Variants in TRPV1 observed in about 807,000 individuals in gnomAD.
TRPV1 encodes transient receptor potential cation channel subfamily V member 1.
Under a neutral mutation model 82.3 loss-of-function variants are expected in TRPV1, and 82 were observed. The ratio of observed to expected loss-of-function variants is 1.00; its 90% CI spans 0.83 to 1.20. The LOEUF is 1.20. Ranked by LOEUF, TRPV1 falls within the 50% of genes most tolerant of loss-of-function variation. The pLI, the probability that TRPV1 is intolerant of heterozygous loss-of-function variation, is 0.00. For missense variants in TRPV1, 1,067 were observed against 1,096.8 expected (o/e 0.97, Z 0.38); for synonymous variants, 515 against 467.7 (o/e 1.10, Z -1.30).
chr17:3,606,202 T>C (rs1368052599), intron 2 of TRPV1, among the ~76,000 whole-genome samples: 3 of 152,178 alleles, frequency 2.0e-5, no homozygotes, highest in South Asian at 4.1e-4. Context: ...CCTCAAGTGA[T>C]CCGCCCTCCT....
At chr17:3,585,570 G>T in intron 9 of TRPV1, 198 bp downstream of exon 9, 1 of 623,874 alleles carries the variant, frequency 1.6e-6, no homozygotes. Context: ...AAGGGGGCGG[G>T]TCTCCTGTAC....
chr17:3,580,452 C>A lies in TRPV1; in HGVS notation c.1547+5G>T. 6.2e-7 allele frequency: 1 copy of A among 1,614,054 alleles called. No individual in the cohort carries two copies. Among genetic ancestry groups the A allele is most frequent in the Non-Finnish European group, 8.5e-7 (1 of 1,179,904 alleles). The stretch of plus-strand genomic sequence containing the variant: ...GGACTGGGAATGAGTCAAAGTGTCA[C>A]TTACAAAAGCATCTCACTGTAGCTG... On this transcript the variant is annotated splice_donor_5th_base_variant and intron_variant, in intron 11 of 16. Coordinates refer to ENST00000572705, the MANE Select transcript of TRPV1 (RefSeq NM_080704.4).
At chr17:3,575,188 A>T (rs2074912764) in intron 13 of TRPV1, among the ~76,000 whole-genome samples, 1 of 152,162 alleles carries the variant, frequency 6.6e-6, no homozygotes, top group Admixed American at 6.5e-5. Flanking sequence ...TGATGGAGTT[A>T]GAAGATCATC....
chr17:3,573,532 G>GCCACCCCCCCC lies in TRPV1; in HGVS notation c.2103+100_2103+101insGGGGGGGGTGG. On this transcript the variant is annotated intron_variant, in intron 14 of 16. Transcript: ENST00000572705. ...GCCCATACCCTCCTGGCCACACACCGCCCCCACCACCCACCCACCTGCAGC... is the reference window on the plus strand; with the variant it reads ...GCCCATACCCTCCTGGCCACACACCGCCACCCCCCCCCCCCCACCACCCACCCACCTGCAGC... 3 of 257,076 alleles carry GCCACCCCCCCC rather than the reference G, an allele frequency of 1.2e-5. 1 individual carries two copies. The highest frequency in any genetic ancestry group is 3.0e-5 in the South Asian group (1 of 33,506). The allele number at this position is 257,076 out of a possible 1,614,324, so 15.9% of individuals were successfully genotyped here.
rs370146155 is a variant in TRPV1, at chr17:3,571,225, G to A, written c.2347+299C>T. On this transcript the variant is annotated intron_variant, in intron 16 of 16. Transcript: ENST00000572705. ...GGCAGCCCATACAAGGAGGCAGGGC[G>A]GGGCTGGGCTGCGTCCCCTGGGGCG... 3.9e-5 allele frequency among the ~76,000 whole-genome samples: 6 copies of A among 152,308 alleles called. No homozygotes were observed. The South Asian group carries it at 1.2e-3, about 32-fold the overall frequency.
intron 9 of TRPV1, 61 bp downstream of exon 9, chr17:3,585,707 G>A: frequency 6.4e-7 from 1 of 1,566,226 alleles, no homozygotes; most frequent in African/African-American, 1.4e-5. Flanking sequence ...CTCCCGAAAT[G>A]TCCACACCCC....
intron 13 of TRPV1, among the ~76,000 whole-genome samples, chr17:3,574,724 G>A (rs959588897): frequency 6.6e-5 from 10 of 152,030 alleles, no homozygotes; most frequent in East Asian, 5.8e-4. Flanking sequence ...TGAGGCAGGC[G>A]GATCACCTGA....
chr17:3,601,116 A>G (rs2075259313), intron 2 of TRPV1, among the ~76,000 whole-genome samples: 1 of 151,794 alleles, frequency 6.6e-6, no homozygotes, highest in South Asian at 2.1e-4. Flanking sequence ...AAAGGCATCA[A>G]CTTCCTTCTG....
chr17:3,592,352 C>T lies in TRPV1; in HGVS notation c.-2G>A. 6.3e-7 allele frequency: 1 copy of T among 1,586,536 alleles called. No homozygotes were observed. Among genetic ancestry groups the T allele is most frequent in the Non-Finnish European group, 8.6e-7 (1 of 1,166,144 alleles). ...GTCTGTGCTGCTCCATTTCTTCATC[C>T]TTGCTGGATCCTCTGTGGCCCAGTG... is the stretch of plus-strand genomic sequence containing the variant. On this transcript the variant is annotated 5_prime_UTR_variant, in exon 3 of 17. Coordinates refer to ENST00000572705, the MANE Select transcript of TRPV1 (RefSeq NM_080704.4).
intron 10 of TRPV1, among the ~76,000 whole-genome samples, chr17:3,582,083 G>A (rs1376863781): frequency 3.4e-4 from 51 of 148,942 alleles, no homozygotes; most frequent in African/African-American, 1.2e-3. Flanking sequence ...CCAGCTACTC[G>A]GGAGGCTGAG....
chr17:3,600,915 C>T (rs1390709279), intron 2 of TRPV1, among the ~76,000 whole-genome samples: 5 of 152,174 alleles, frequency 3.3e-5, no homozygotes, highest in Non-Finnish European at 7.4e-5. Flanking sequence ...TCCCAAGGAC[C>T]TCTCTGATGT....
rs1271182888 is a variant in TRPV1, at chr17:3,571,527, TGCTTGACCGCAGGGAGAAGCTCAGGGTGC to T, written c.2315_2343del (p.Arg772GlnfsTer24). On this transcript the variant is annotated frameshift_variant, in exon 16 of 17. Coordinates refer to ENST00000572705, the MANE Select transcript of TRPV1 (RefSeq NM_080704.4). LOFTEE classifies it high-confidence loss of function. ...AGCACCGGCCCTCACGCCTCACCTC[TGCTTGACCGCAGGGAGAAGCTCAGGGTGC>T]GCTTGACGCCCTCACAGTTGCCCGG... The T allele has an allele frequency of 6.3e-7, 1 of 1,598,214 alleles. No homozygotes were observed. The highest frequency in any genetic ancestry group is 2.3e-5 in the East Asian group (1 of 44,142).
intron 16 of TRPV1, among the ~76,000 whole-genome samples, chr17:3,569,897 G>A (rs465588): frequency 6.6e-6 from 1 of 151,246 alleles, no homozygotes; most frequent in Non-Finnish European, 1.5e-5. Context: ...AGGGGCCAAG[G>A]GGTTAGGGGC....
chr17:3,592,320 C>T lies in TRPV1; in HGVS notation c.31G>A (p.Ala11Thr). Reference protein sequence around the residue: MKKWSSTDLGAAADPLQKDTC... With the variant: MKKWSSTDLGTAADPLQKDTC... ...TCCTTTTGGAGTGGGTCCGCAGCTG[C>T]CCCCAAGTCTGTGCTGCTCCATTTC... Residue 11 changes from alanine (A) to threonine (T), a missense_variant, in exon 3 of 17, where the codon GCA becomes ACA. Transcript: ENST00000572705. 2.5e-6 allele frequency: 4 copies of T among 1,597,662 alleles called. No individual in the cohort carries two copies. The highest frequency in any genetic ancestry group is 3.4e-6 in the Non-Finnish European group (4 of 1,171,826).
intron 10 of TRPV1, among the ~76,000 whole-genome samples, chr17:3,582,401 G>T (rs1313459451): frequency 6.6e-6 from 1 of 151,572 alleles, no homozygotes; most frequent in Non-Finnish European, 1.5e-5. Flanking sequence ...TACTACAAGG[G>T]TTTCCAGAGT....
chr17:3,580,878 G>A (rs188560923), intron 10 of TRPV1, among the ~76,000 whole-genome samples: 35 of 152,240 alleles, frequency 2.3e-4, no homozygotes, highest in Admixed American at 2.0e-3. Flanking sequence ...AATTAGCTGC[G>A]CGTGGTGGCG....
intron 2 of TRPV1, among the ~76,000 whole-genome samples, chr17:3,596,336 C>G (rs1465588902): frequency 6.6e-6 from 1 of 152,160 alleles, no homozygotes; most frequent in Non-Finnish European, 1.5e-5. Context: ...CTTGGGAGCA[C>G]CTCCCGCTCG....
intron 11 of TRPV1, 127 bp downstream of exon 11, chr17:3,580,330 C>T (rs752519995): frequency 2.3e-5 from 22 of 947,776 alleles, no homozygotes; most frequent in African/African-American, 3.2e-5. Flanking sequence ...CAGTGCCTTC[C>T]GTCATTCCCT....
intron 2 of TRPV1, among the ~76,000 whole-genome samples, chr17:3,594,154 A>AAGCAGCAGC (rs773915600): frequency 9.4e-5 from 9 of 95,442 alleles, no homozygotes; most frequent in Non-Finnish European, 1.4e-4. Context: ...AAAAAAAAAG[A>AAGCAGCAGC]AGCAGCAGCA....
Sources: allele counts gnomAD v4.1 joint callset (sites outside exome capture counted in the v4.1 genomes callset), GRCh38; gene constraint gnomAD v4.1.1; transcripts MANE v1.5; gene names NCBI Gene and HGNC (gene_info 2026-07-23, HGNC 2026-07-21).